The following STK32A variants were observed in gnomAD, a reference collection of about 807,000 sequenced individuals.
STK32A encodes serine/threonine kinase 32A.
In STK32A, 41 loss-of-function variants were observed where a neutral mutation model predicts 53.2. The observed-to-expected ratio is 0.77, with a 90% confidence interval of 0.60 to 1.00. The LOEUF (loss-of-function observed/expected upper bound fraction) is 1.00. STK32A is among the 50% of genes least tolerant of loss of function. The pLI is 0.00. For synonymous variants in STK32A, 166 were observed against 162.8 expected (o/e 1.02, Z -0.15); for missense variants, 458 against 485.8 (o/e 0.94, Z 0.54).
chr5:147,394,148 G>A, the STK32A span: 3 of 1,608,904 alleles, frequency 1.9e-6, no homozygotes, highest in Admixed American at 5.1e-5. Context: ...AAATTCCCAG[G>A]GGGAAAAAAA....
intron 4 of STK32A, among the ~76,000 whole-genome samples, chr5:147,308,882 C>A (rs898920172): frequency 6.6e-6 from 1 of 151,058 alleles, no homozygotes; most frequent in South Asian, 2.1e-4. Flanking sequence ...GTTCTATTAT[C>A]CTCTTGTGTA....
chr5:147,291,304 C>T (rs1752587696), intron 4 of STK32A, among the ~76,000 whole-genome samples: 2 of 152,074 alleles, frequency 1.3e-5, no homozygotes, highest in Admixed American at 1.3e-4. Flanking sequence ...CCAGATGGTC[C>T]TGTCCCACAT....
At chr5:147,249,259 C>T (rs893631285) in intron 2 of STK32A, among the ~76,000 whole-genome samples, 4 of 151,752 alleles carry the variant, frequency 2.6e-5, no homozygotes, top group African/African-American at 9.7e-5. Context: ...CCTCTCTGAT[C>T]CCCCATTTTC....
intron 12 of STK32A, 111 bp from the exon 13 acceptor site, chr5:147,383,779 T>A: frequency 9.3e-7 from 1 of 1,078,044 alleles, no homozygotes; most frequent in Admixed American, 3.4e-5. Context: ...AAAGATTTCC[T>A]TGGCTCATGC....
At chr5:147,313,625 C>T (rs1753811809) in intron 4 of STK32A, among the ~76,000 whole-genome samples, 1 of 152,142 alleles carries the variant, frequency 6.6e-6, no homozygotes, top group African/African-American at 2.4e-5. Flanking sequence ...CTAGCCAAAA[C>T]AATCTTGAAA....
chr5:147,376,305 G>A (rs1051102523), intron 11 of STK32A, among the ~76,000 whole-genome samples: 4 of 152,084 alleles, frequency 2.6e-5, no homozygotes, highest in African/African-American at 9.7e-5. Flanking sequence ...ATGCTTAGCT[G>A]TGCTGCTAAC....
downstream of STK32A, chr5:147,387,890 ATGTG>A (rs1026594296): frequency 6.6e-6 from 1 of 151,924 alleles, no homozygotes; most frequent in Non-Finnish European, 1.5e-5. Flanking sequence ...GTGTGTGTGT[ATGTG>A]TGTGTGTGTA....
chr5:147,248,121 CAAAAA>C (rs34098316), intron 2 of STK32A, among the ~76,000 whole-genome samples: 2 of 80,116 alleles, frequency 2.5e-5, no homozygotes, highest in Non-Finnish European at 2.8e-5. Context: ...AACTCCGTCT[CAAAAA>C]AAAAAAAAAA....
chr5:147,292,327 T>A (rs1752635317), intron 4 of STK32A, among the ~76,000 whole-genome samples: 1 of 152,242 alleles, frequency 6.6e-6, no homozygotes, highest in Non-Finnish European at 1.5e-5. Flanking sequence ...AACTGTGTAC[T>A]GTTACAGAAG....
intron 2 of STK32A, among the ~76,000 whole-genome samples, chr5:147,273,019 A>AT (rs1286707503): frequency 6.6e-6 from 1 of 152,214 alleles, no homozygotes; most frequent in Non-Finnish European, 1.5e-5. Flanking sequence ...TTTTGCAAAG[A>AT]TTTTTACCTC....
rs74664912 is a variant in STK32A, at chr5:147,306,238, T to G, written c.261-17660T>G. ...GGCATATTTTTGCTTATTGACCATT[T>G]ATAATCCCTTTGTTGGGAAGTGCTT... On this transcript the variant is annotated intron_variant, in intron 4 of 12. Coordinates refer to ENST00000397936, the MANE Select transcript of STK32A (RefSeq NM_001112724.2). 4.2e-3 allele frequency among the ~76,000 whole-genome samples: 646 copies of G among 152,208 alleles called. 4 individuals are homozygous for G. The highest frequency in any genetic ancestry group is 0.015 in the African/African-American group (625 of 41,568).
Position 147,243,415 on chromosome 5 carries a change from A to C in STK32A, c.52+3729A>C, listed in dbSNP as rs973524829. Among the ~76,000 whole-genome samples, 9 of 120,486 alleles carry C rather than the reference A, an allele frequency of 7.5e-5. 1 individual carries two copies. The highest frequency in any genetic ancestry group is 1.4e-4 in the Non-Finnish European group (8 of 55,182). 79.0% of individuals were successfully genotyped at this position (120,486 alleles called of 152,430 possible). The stretch of plus-strand genomic sequence containing the variant: ...GAACACATAATTTTATTAGTTACTT[A>C]TGTTGATCTTTATTCAGCAAAAACA... On this transcript the variant is annotated intron_variant, in intron 2 of 12. Transcript: ENST00000397936.
chr5:147,332,143 A>T (rs1754901936), intron 5 of STK32A, among the ~76,000 whole-genome samples: 1 of 152,188 alleles, frequency 6.6e-6, no homozygotes, highest in Non-Finnish European at 1.5e-5. Context: ...CACTCCTAAC[A>T]TGCTGCTTAC....
At chr5:147,311,695 T>C (rs1297830090) in intron 4 of STK32A, among the ~76,000 whole-genome samples, 2 of 152,068 alleles carry the variant, frequency 1.3e-5, no homozygotes, top group East Asian at 3.9e-4. Flanking sequence ...ACCTCCTAAG[T>C]AGCTGGGACT....
At chr5:147,263,495 G>C (rs1276437665) in intron 2 of STK32A, among the ~76,000 whole-genome samples, 1 of 151,980 alleles carries the variant, frequency 6.6e-6, no homozygotes, top group Non-Finnish European at 1.5e-5. Context: ...TATAAGAAAG[G>C]TAAGAGAAAG....
In STK32A at chr5:147,361,592, C is replaced by A. The variant is rs1266726215; in HGVS notation, c.638C>A (p.Ala213Glu). ...AVDWWSLGVT[A>E]YELLRGRRPY... ...GACTGGTGGTCCCTGGGAGTGACGG[C>A]ATATGAACTGCTGAGAGGCCGGGTA... Residue 213 changes from alanine (A) to glutamate (E), a missense_variant, in exon 8 of 13, where the codon GCA (alanine) becomes GAA (glutamate). Physicochemically the swap from Ala to Glu is moderately radical, Grantham distance 107. Coordinates refer to ENST00000397936, the MANE Select transcript of STK32A (RefSeq NM_001112724.2). The A allele has an allele frequency of 6.2e-7, 1 of 1,612,826 alleles. No homozygotes were observed. The highest frequency in any genetic ancestry group is 1.3e-5 in the African/African-American group (1 of 74,888).
chr5:147,323,526 G>A (rs1754422131), intron 4 of STK32A, among the ~76,000 whole-genome samples: 2 of 152,062 alleles, frequency 1.3e-5, no homozygotes, highest in African/African-American at 4.8e-5. Context: ...ATATTTTATG[G>A]GCCTTCTGCA....
chr5:147,293,480 A>T (rs73797612), intron 4 of STK32A, among the ~76,000 whole-genome samples: 16 of 7,956 alleles, frequency 2.0e-3, no homozygotes, highest in African/African-American at 0.014. Flanking sequence ...ATTTCGAGGT[A>T]AAAAAAAAAA....
chr5:147,361,456 G>A, intron 7 of STK32A, 61 bp from the exon 8 acceptor site: 1 of 1,119,452 alleles, frequency 8.9e-7, no homozygotes, highest in Non-Finnish European at 1.3e-6. Flanking sequence ...GGAACATGTT[G>A]AGAAAATATA....
Sources: allele counts gnomAD v4.1 joint callset (sites outside exome capture counted in the v4.1 genomes callset), GRCh38; gene constraint gnomAD v4.1.1; transcripts MANE v1.5; gene names NCBI Gene and HGNC (gene_info 2026-07-23, HGNC 2026-07-21).